RBM33: variants seen among roughly 807,000 people sequenced by gnomAD.
RBM33 encodes the protein RNA binding motif protein 33, also known as RNA-binding protein 33.
A neutral mutation model predicts 132.6 loss-of-function variants in RBM33; 28 were observed. The observed-to-expected ratio is 0.21, with a 90% CI of 0.16 to 0.29. RBM33 has a LOEUF of 0.29. RBM33 is among the 10% of genes least tolerant of loss of function. The probability of loss-of-function intolerance (pLI) is 1.00; values close to 1 mark genes in which losing one functional copy is unlikely to be tolerated. For missense variants in RBM33, 1,291 were observed against 1,518.5 expected (o/e 0.85, Z 2.49); for synonymous variants, 634 against 593.0 (o/e 1.07, Z -1.01).
chr7:155,740,531 A>T (rs918382391), intron 12 of RBM33, among the ~76,000 whole-genome samples: 2 of 152,262 alleles, frequency 1.3e-5, no homozygotes, highest in African/African-American at 4.8e-5. Context: ...TTTTCCTTCA[A>T]GGAGCTTATA....
At chr7:155,718,310 A>C in intron 8 of RBM33, 75 bp from the exon 9 acceptor site, 2 of 1,144,248 alleles carry the variant, frequency 1.7e-6, no homozygotes, top group Non-Finnish European at 2.7e-6. Context: ...TTTTATATTA[A>C]ACTTCATATG....
In RBM33 at chr7:155,737,566, G is replaced by C. The variant is rs1308841477; in HGVS notation, c.1297G>C (p.Val433Leu). 6.2e-7 allele frequency: 1 copy of C among 1,613,208 alleles called. No individual in the cohort carries two copies. The highest frequency in any genetic ancestry group is 1.7e-5 in the Admixed American group (1 of 59,766). The stretch of plus-strand genomic sequence containing the variant: ...ATTTCCACAGCATACACCTGGACCT[G>C]TTCCCAACAGTTTCAGCCAGCCCCC... ...PEFPQHTPGP[V>L]PNSFSQPPRL... is the part of the protein sequence containing the mutation. Residue 433 changes from valine to leucine, a missense_variant, in exon 10 of 18, where the codon GTT (valine) becomes CTT (leucine). Physicochemically the swap from Val to Leu is conservative, Grantham distance 32. Coordinates refer to ENST00000401878, the MANE Select transcript of RBM33 (RefSeq NM_053043.3).
chr7:155,710,863 G>C (rs1471914474), intron 7 of RBM33, among the ~76,000 whole-genome samples: 1 of 151,884 alleles, frequency 6.6e-6, no homozygotes, highest in Non-Finnish European at 1.5e-5. Flanking sequence ...TCTGTCCCTG[G>C]CACAGGGCTT....
Position 155,741,805 on chromosome 7 carries a change from C to G in RBM33, c.2050-14C>G, listed in dbSNP as rs536427623. ...TTCCACTTACAATTAGAATCTCTTT[C>G]TTTTTGTGAAAAGAATACAACTTCT... On this transcript the variant is annotated splice_polypyrimidine_tract_variant and intron_variant, in intron 12 of 17. Coordinates refer to ENST00000401878, the MANE Select transcript of RBM33 (RefSeq NM_053043.3). 3.8e-6 allele frequency: 6 copies of G among 1,593,088 alleles called. No individual in the cohort carries two copies. The highest frequency in any genetic ancestry group is 5.2e-6 in the Non-Finnish European group (6 of 1,164,676).
At chr7:155,761,872 A>G (rs1434600909) in intron 14 of RBM33, among the ~76,000 whole-genome samples, 1 of 152,082 alleles carries the variant, frequency 6.6e-6, no homozygotes, top group Non-Finnish European at 1.5e-5. Context: ...AACTCAAATG[A>G]CTGATTTTAG....
intron 9 of RBM33, among the ~76,000 whole-genome samples, chr7:155,731,102 C>T (rs184422793): frequency 6.6e-6 from 1 of 152,184 alleles, no homozygotes; most frequent in Admixed American, 6.5e-5. Flanking sequence ...AGTAAAAAAT[C>T]GAACCTTGGT....
chr7:155,774,682 G>A lies in RBM33; in HGVS notation c.3464+35G>A. The A allele has an allele frequency of 6.4e-7, 1 of 1,557,182 alleles. No individual in the cohort carries two copies. Among genetic ancestry groups the A allele is most frequent in the Non-Finnish European group, 8.9e-7 (1 of 1,128,346 alleles). On this transcript the variant is annotated intron_variant, in intron 17 of 17. Transcript: ENST00000401878. This position sits in a 1 kb window ranked among gnomAD's most constrained non-coding sequence, Gnocchi z 4.2. ...GTGTTCTGTGCTTGTGGTGATAAGG[G>A]GGCGGGAGCAAGGCCCTCCTTCCTG...
chr7:155,673,332 C>T (rs1485230578), intron 3 of RBM33, among the ~76,000 whole-genome samples: 2 of 151,544 alleles, frequency 1.3e-5, no homozygotes, highest in African/African-American at 2.4e-5. Context: ...AAATAAAAGT[C>T]TAAAACCTAA....
chr7:155,665,102 T>C, intron 1 of RBM33, 73 bp from the exon 2 acceptor site: 1 of 1,290,166 alleles, frequency 7.8e-7, no homozygotes, highest in Non-Finnish European at 1.1e-6. Flanking sequence ...AAAAAGTTGT[T>C]TTAGTGTTTG....
At chr7:155,754,011 CTT>C (rs1801768240) in intron 14 of RBM33, among the ~76,000 whole-genome samples, 1 of 152,150 alleles carries the variant, frequency 6.6e-6, no homozygotes, top group South Asian at 2.1e-4. Context: ...TTTGAAATGT[CTT>C]AGTGTGGGCA....
chr7:155,656,830 C>T (rs1798505478), intron 1 of RBM33, among the ~76,000 whole-genome samples: 1 of 152,192 alleles, frequency 6.6e-6, no homozygotes, highest in Non-Finnish European at 1.5e-5. Context: ...CTGACCCTTA[C>T]CTCATTTCCT....
intron 3 of RBM33, among the ~76,000 whole-genome samples, chr7:155,674,343 T>C (rs1310260012): frequency 6.6e-6 from 1 of 152,182 alleles, no homozygotes; most frequent in Non-Finnish European, 1.5e-5. Flanking sequence ...TTATACTCTA[T>C]TGGGGAATTA....
intron 9 of RBM33, among the ~76,000 whole-genome samples, chr7:155,722,788 A>C (rs959952089): frequency 7.2e-5 from 11 of 152,322 alleles, no homozygotes; most frequent in South Asian, 2.1e-4. Context: ...CTTATGAAAA[A>C]ATCATTTTAA....
At position 155,680,907 on chromosome 7, in the gene RBM33, C is replaced by T; in HGVS notation, c.566C>T (p.Thr189Ile). 6.2e-7 allele frequency: 1 copy of T among 1,611,024 alleles called. No individual in the cohort carries two copies. The highest frequency in any genetic ancestry group is 8.5e-7 in the Non-Finnish European group (1 of 1,178,020). ...ATCAATGAACCTTTAGATGAATTTA[C>T]AGTGAGTCTTTTCTCCTTTGTATGG... ...IEINEPLDEF[T>I]GGMETLELQK... The change falls in exon 5 of 18, where the codon ACA becomes ATA. Residue 189 changes from threonine to isoleucine, a missense_variant and splice_region_variant. Physicochemically the swap from Thr to Ile is moderately conservative, Grantham distance 89 (BLOSUM62 -1). This residue lies in a region of RBM33 where 194 missense variants were observed against 249.8 expected (regional missense o/e 0.78). Transcript: ENST00000401878.
chr7:155,675,293 CAAAAAA>C (rs71881256), intron 3 of RBM33, among the ~76,000 whole-genome samples: 1 of 128,864 alleles, frequency 7.8e-6, no homozygotes, highest in African/African-American at 3.1e-5. Flanking sequence ...GACTCCGTCT[CAAAAAA>C]AAAAAAAAAA....
At chr7:155,706,778 C>T (rs1455142552) in intron 6 of RBM33, 82 bp from the exon 7 acceptor site, 3 of 1,156,760 alleles carry the variant, frequency 2.6e-6, no homozygotes, top group East Asian at 5.2e-5. Context: ...TTCATTGTCA[C>T]ATCATTCTTT....
At chr7:155,730,518 T>C (rs1416315825) in intron 9 of RBM33, among the ~76,000 whole-genome samples, 2 of 152,224 alleles carry the variant, frequency 1.3e-5, no homozygotes, top group East Asian at 1.9e-4. Context: ...TACTAATTGC[T>C]GTTTTGTAGA....
chr7:155,715,128 A>C (rs940113259), intron 8 of RBM33, among the ~76,000 whole-genome samples: 3 of 152,064 alleles, frequency 2.0e-5, no homozygotes, highest in African/African-American at 7.2e-5. Flanking sequence ...AGCGTCGCTG[A>C]TTGGTGTGGT....
rs1261999484 is a variant in RBM33, at chr7:155,779,610, A to G, written c.*4569A>G. 1 of 152,222 alleles carries G rather than the reference A, an allele frequency of 6.6e-6. No homozygotes were observed. Among genetic ancestry groups the G allele is most frequent in the Non-Finnish European group, 1.5e-5 (1 of 68,050 alleles). The allele number at this position is 152,222 out of a possible 1,614,324, so 9.4% of individuals were successfully genotyped here. A position where few individuals can be genotyped will look rare whatever the true frequency, so the allele number is the denominator to read the frequency against. ...TTTAAATGCCTAACTTCTGAGGTGC[A>G]TAAGCCCGTGGTTTGTGTACTGGAA... On this transcript the variant is annotated 3_prime_UTR_variant, in exon 18 of 18. Coordinates refer to ENST00000401878, the MANE Select transcript of RBM33 (RefSeq NM_053043.3).
Sources: gnomAD v4.1 joint callset for allele counts (sites outside exome capture counted in the v4.1 genomes callset) on GRCh38, gnomAD v4.1.1 for gene constraint, gnomAD v4.1.1 regional missense constraint, Gnocchi (gnomAD v3.1) non-coding constraint, MANE v1.5 for transcripts, NCBI Gene and HGNC (gene_info 2026-07-23, HGNC 2026-07-21) for gene names.